The following ANKRD2 variants were observed in gnomAD, a reference collection of about 807,000 sequenced individuals.
ANKRD2 encodes the protein ankyrin repeat domain-containing protein 2.
Under a neutral mutation model 37.3 loss-of-function variants are expected in ANKRD2, and 35 were observed. The ratio of observed to expected loss-of-function variants is 0.94; its 90% CI spans 0.72 to 1.24. The LOEUF (loss-of-function observed/expected upper bound fraction) is 1.24, where lower values mean the gene tolerates loss of function less well. Ranked by LOEUF, ANKRD2 falls within the 50% of genes most tolerant of loss-of-function variation. ANKRD2 has a pLI of 0.00. For synonymous variants in ANKRD2, 159 were observed against 186.5 expected (o/e 0.85, Z 1.20); for missense variants, 410 against 445.6 (o/e 0.92, Z 0.72).
At chr10:97,582,251 G>A (rs908474037) in intron 6 of ANKRD2, 64 bp from the exon 7 acceptor site, 3 of 1,412,586 alleles carry the variant, frequency 2.1e-6, no homozygotes, top group Admixed American at 2.0e-5. Flanking sequence ...GACAGCCCCC[G>A]CCTTCCCAGG....
intron 4 of ANKRD2, 129 bp downstream of exon 4, chr10:97,578,734 C>A (rs1161698445): frequency 1.7e-5 from 12 of 710,548 alleles, no homozygotes; most frequent in Non-Finnish European, 2.8e-5. Context: ...GGGTGGGTGG[C>A]TGGGGCGCTC....
At chr10:97,582,274 C>T in intron 6 of ANKRD2, 41 bp from the exon 7 acceptor site, 6 of 1,519,752 alleles carry the variant, frequency 3.9e-6, no homozygotes, top group Non-Finnish European at 3.6e-6. Context: ...TACCACAGTT[C>T]AGGCCCCGTC....
At chr10:97,578,179 G>A in intron 2 of ANKRD2, 61 bp from the exon 3 acceptor site, 2 of 1,452,328 alleles carry the variant, frequency 1.4e-6, no homozygotes, top group Non-Finnish European at 1.9e-6. Flanking sequence ...TAGCTCAGAG[G>A]TCTCCCAAGC....
intron 2 of ANKRD2, 95 bp from the exon 3 acceptor site, chr10:97,578,145 C>CCCCCCCCCCCCCCCCCCCCCCCA: frequency 2.7e-6 from 1 of 376,492 alleles, no homozygotes. Flanking sequence ...GGTCTTCCTG[C>CCCCCCCCCCCCCCCCCCCCCCCA]CCACCCCACC....
Position 97,578,665 on chromosome 10 carries a change from G to A in ANKRD2, c.456+60G>A, listed in dbSNP as rs74155506. 11,073 of 1,336,148 alleles carry A rather than the reference G, an allele frequency of 8.3e-3. 216 individuals carry two copies. Among genetic ancestry groups the A allele is most frequent in the African/African-American group, 0.071 (4,886 of 68,590 alleles). The allele number at this position is 1,336,148 out of a possible 1,614,324, so 82.8% of individuals were successfully genotyped here. The stretch of plus-strand genomic sequence containing the variant: ...GTCAGTTGCCACCCCCACTCCGTTC[G>A]GCTCCTGGGTCAGCCCACTGTGAGC... On this transcript the variant is annotated intron_variant, in intron 4 of 8. Transcript: ENST00000370655.
intron 1 of ANKRD2, among the ~76,000 whole-genome samples, chr10:97,575,057 G>A (rs981411953): frequency 6.6e-6 from 1 of 152,242 alleles, no homozygotes; most frequent in African/African-American, 2.4e-5. Context: ...AATCTATGAC[G>A]TAAAGTGGGA....
intron 4 of ANKRD2, among the ~76,000 whole-genome samples, chr10:97,580,133 C>T (rs914384898): frequency 2.0e-5 from 3 of 152,078 alleles, no homozygotes; most frequent in African/African-American, 2.4e-5. Context: ...CTCCTACTTC[C>T]GAGCACCATG....
chr10:97,582,012 T>C (rs2040904051), intron 6 of ANKRD2, among the ~76,000 whole-genome samples: 1 of 152,230 alleles, frequency 6.6e-6, no homozygotes, highest in Admixed American at 6.5e-5. Flanking sequence ...CCATGTCCAT[T>C]ACATAGTCAT....
chr10:97,572,598 G>C (rs41290450), upstream of ANKRD2: 5,326 of 1,348,658 alleles, frequency 3.9e-3, 131 homozygotes, highest in East Asian at 0.073. Flanking sequence ...CCAGGAGTTG[G>C]GGGGGCAACT....
In ANKRD2 at chr10:97,578,230, T is replaced by G. The variant is rs374892498; in HGVS notation, c.190-10T>G. On this transcript the variant is annotated splice_polypyrimidine_tract_variant and intron_variant, in intron 2 of 8. Coordinates refer to ENST00000370655, the MANE Select transcript of ANKRD2 (RefSeq NM_001346793.2). Reference sequence around the variant, plus strand: ...CCCGGCCTGGGGGGTTGATGGGCCATCCCGCGCAGGGCCAAGAGCGCGTGC... The same window carrying G: ...CCCGGCCTGGGGGGTTGATGGGCCAGCCCGCGCAGGGCCAAGAGCGCGTGC... 4 of 1,425,060 alleles carry G rather than the reference T, an allele frequency of 2.8e-6. No individual in the cohort carries two copies. The highest frequency in any genetic ancestry group is 2.8e-6 in the Non-Finnish European group (3 of 1,060,784). The allele number at this position is 1,425,060 out of a possible 1,614,324, so 88.3% of individuals were successfully genotyped here. A position where few individuals can be genotyped will look rare whatever the true frequency, so the allele number is the denominator to read the frequency against.
At chr10:97,581,565 TG>T (rs1428326027) in intron 6 of ANKRD2, 151 bp downstream of exon 6, 2 of 748,386 alleles carry the variant, frequency 2.7e-6, no homozygotes, top group African/African-American at 3.5e-5. Flanking sequence ...AGTGTCCTAC[TG>T]GGCCTCCCAG....
chr10:97,572,654 C>T (rs533991801), upstream of ANKRD2: 5 of 1,547,668 alleles, frequency 3.2e-6, no homozygotes, highest in South Asian at 1.2e-5. Context: ...TGGGGCTGCC[C>T]GAGGTGAAGG....
At chr10:97,578,429 G>T in intron 3 of ANKRD2, 31 bp downstream of exon 3, 1 of 1,611,930 alleles carries the variant, frequency 6.2e-7, no homozygotes, top group Non-Finnish European at 8.5e-7. Flanking sequence ...ACCGCGAGGG[G>T]GCGGAGGGGG....
Position 97,582,780 on chromosome 10 carries a change from AGCC to A in ANKRD2, c.852+79_852+81del, listed in dbSNP as rs1002977573. ...GAGGTGCTGTCCTGGTCCCTGGAGC[AGCC>A]CCCGCCTAGGGACATGTATCATTGG... On this transcript the variant is annotated intron_variant, in intron 8 of 8. Transcript: ENST00000370655. 3 of 1,336,838 alleles carry A rather than the reference AGCC, an allele frequency of 2.2e-6. No homozygotes were observed. The African/African-American group carries it at 4.3e-5, about 19-fold the overall frequency. 82.8% of individuals were successfully genotyped at this position (1,336,838 alleles called of 1,614,324 possible). A position where few individuals can be genotyped will look rare whatever the true frequency, so the allele number is the denominator to read the frequency against.
chr10:97,578,446 G>A (rs749240336), intron 3 of ANKRD2, 48 bp downstream of exon 3: 1 of 1,606,940 alleles, frequency 6.2e-7, no homozygotes, highest in African/African-American at 1.3e-5. Context: ...GGGGAGCCCG[G>A]GAGGCTTCGG....
rs2040908945 is a variant in ANKRD2 at position 97,582,349 on chromosome 10, C to T, written c.689C>T (p.Thr230Ile). The change falls in exon 7 of 9, where the codon ACA becomes ATA. Residue 230 changes from threonine to isoleucine, a missense_variant. Transcript: ENST00000370655. The part of the protein sequence containing the change: ...LSTPLHVAVR[T>I]GQVEIVEHFL... ...ACCCCGCTGCACGTGGCAGTCCGGA[C>T]AGGGCAGGTGGAGATTGTGGAGCAC... The T allele has an allele frequency of 6.4e-7, 1 of 1,560,726 alleles. No homozygotes were observed. The highest frequency in any genetic ancestry group is 8.7e-7 in the Non-Finnish European group (1 of 1,151,690).
intron 6 of ANKRD2, among the ~76,000 whole-genome samples, chr10:97,581,764 T>C (rs898997509): frequency 6.6e-6 from 1 of 152,250 alleles, no homozygotes; most frequent in African/African-American, 2.4e-5. Context: ...TCTATTCATC[T>C]ATCCGTCTAT....
At chr10:97,582,275 A>G (rs1380294129) in intron 6 of ANKRD2, 40 bp from the exon 7 acceptor site, 2 of 1,524,236 alleles carry the variant, frequency 1.3e-6, no homozygotes, top group South Asian at 2.4e-5. Flanking sequence ...ACCACAGTTC[A>G]GGCCCCGTCA....
At position 97,578,045 on chromosome 10, in the gene ANKRD2, T is replaced by C. The variant is rs57607476; in HGVS notation, c.189+144T>C. 10,732 of 1,075,374 alleles carry C rather than the reference T, an allele frequency of 1.0e-2. 287 individuals are homozygous for C. Among genetic ancestry groups the C allele is most frequent in the African/African-American group, 0.086 (5,399 of 62,962 alleles). The allele number at this position is 1,075,374 out of a possible 1,614,324, so 66.6% of individuals were successfully genotyped here. A position where few individuals can be genotyped will look rare whatever the true frequency, so the allele number is the denominator to read the frequency against. ...CTAGCCCTGCAGAATCTCCGCCCCG[T>C]CCCAGAACTACTGAGTCAGAATTCC... On this transcript the variant is annotated intron_variant, in intron 2 of 8. Transcript: ENST00000370655.
Sources: allele counts gnomAD v4.1 joint callset (sites outside exome capture counted in the v4.1 genomes callset), GRCh38; gene constraint gnomAD v4.1.1; transcripts MANE v1.5; gene names NCBI Gene and HGNC (gene_info 2026-07-23, HGNC 2026-07-21).